Variants in PDLIM1 observed in about 807,000 individuals in gnomAD.
The protein encoded by PDLIM1 is PDZ and LIM domain protein 1.
PDLIM1 carries 25 observed loss-of-function variants against 35.2 expected under a neutral mutation model. That is an observed-to-expected ratio of 0.71 (90% CI 0.52 to 0.99). The LOEUF is 0.99. Ranked by LOEUF, PDLIM1 falls within the 50% of genes least tolerant of loss-of-function variation. The pLI is 0.00. For missense variants in PDLIM1, 363 were observed against 415.3 expected, an observed-to-expected ratio of 0.87 and a Z score of 1.09; for synonymous variants, 152 against 154.0, an observed-to-expected ratio of 0.99 and a Z score of 0.10.
chr10:95,288,343 T>C (rs1207330146), intron 1 of PDLIM1, among the ~76,000 whole-genome samples: 1 of 152,230 alleles, frequency 6.6e-6, no homozygotes, highest in Non-Finnish European at 1.5e-5. Flanking sequence ...CCTAATTTTA[T>C]GGTTTGCTTT....
intron 3 of PDLIM1, among the ~76,000 whole-genome samples, chr10:95,265,277 C>A (rs1318837899): frequency 6.6e-6 from 1 of 151,888 alleles, no homozygotes. Context: ...AAGAAAACAA[C>A]CTGAAAATAT....
chr10:95,286,191 T>C (rs902925386), intron 1 of PDLIM1, among the ~76,000 whole-genome samples: 3 of 152,130 alleles, frequency 2.0e-5, no homozygotes, highest in Non-Finnish European at 2.9e-5. Context: ...ACCCCATCTC[T>C]ACTAAAAATA....
chr10:95,252,373 T>A (rs1056082192), intron 4 of PDLIM1, among the ~76,000 whole-genome samples: 6 of 152,146 alleles, frequency 3.9e-5, no homozygotes, highest in Admixed American at 3.3e-4. Flanking sequence ...AAAGTGGACT[T>A]TCTACCCCCA....
chr10:95,278,084 TTCTC>T (rs2035528568), intron 1 of PDLIM1, among the ~76,000 whole-genome samples: 1 of 152,212 alleles, frequency 6.6e-6, no homozygotes, highest in South Asian at 2.1e-4. Flanking sequence ...TGTTCCTTCT[TTCTC>T]TCTCTGTTCA....
At chr10:95,278,096 TC>T (rs2035528682) in intron 1 of PDLIM1, among the ~76,000 whole-genome samples, 1 of 152,238 alleles carries the variant, frequency 6.6e-6, no homozygotes, top group African/African-American at 2.4e-5. Context: ...CTCTCTCTGT[TC>T]ATTCACTTAT....
intron 4 of PDLIM1, among the ~76,000 whole-genome samples, chr10:95,261,107 C>G (rs556574472): frequency 6.6e-6 from 1 of 152,280 alleles, no homozygotes; most frequent in South Asian, 2.1e-4. Context: ...GCCAAAGAGT[C>G]TGGGCCAGGG....
chr10:95,279,613 G>A (rs1313749293), intron 1 of PDLIM1, among the ~76,000 whole-genome samples: 3 of 152,212 alleles, frequency 2.0e-5, no homozygotes, highest in Non-Finnish European at 4.4e-5. Context: ...GCTGAGCTCT[G>A]CATGCTACAC....
chr10:95,277,111 A>G (rs954783666), intron 1 of PDLIM1, among the ~76,000 whole-genome samples: 31 of 151,954 alleles, frequency 2.0e-4, no homozygotes, highest in Non-Finnish European at 1.2e-4. Flanking sequence ...GCTACTCAGG[A>G]GGCTGAGGTG....
At chr10:95,259,911 C>A (rs1449633795) in intron 4 of PDLIM1, among the ~76,000 whole-genome samples, 1 of 152,172 alleles carries the variant, frequency 6.6e-6, no homozygotes, top group Non-Finnish European at 1.5e-5. Context: ...CACCACCACC[C>A]CATCAGTAAG....
At chr10:95,287,108 T>C (rs764255102) in intron 1 of PDLIM1, among the ~76,000 whole-genome samples, 2 of 152,206 alleles carry the variant, frequency 1.3e-5, no homozygotes, top group Non-Finnish European at 2.9e-5. Flanking sequence ...GGCATTCACT[T>C]ACATGTCATT....
At position 95,268,674 on chromosome 10, in the gene PDLIM1, T is replaced by A. The variant is rs985823313; in HGVS notation, c.333+104A>T. 6 of 780,788 alleles carry A rather than the reference T, an allele frequency of 7.7e-6. No homozygotes were observed. The Admixed American group carries it at 1.1e-4, about 14-fold the overall frequency. 48.4% of individuals were successfully genotyped at this position (780,788 alleles called of 1,614,324 possible). On this transcript the variant is annotated intron_variant, in intron 3 of 6. Coordinates refer to ENST00000329399, the MANE Select transcript of PDLIM1 (RefSeq NM_020992.4). ...CCAGCAGAGACAGTGAAGGGTCTTA[T>A]CCCCAGGCCTCCAGGGCAGGAAAAA...
At chr10:95,263,278 C>T (rs1053857975) in intron 4 of PDLIM1, among the ~76,000 whole-genome samples, 1 of 152,178 alleles carries the variant, frequency 6.6e-6, no homozygotes, top group Non-Finnish European at 1.5e-5. Flanking sequence ...CTACCTCTCC[C>T]CCAGTTAAGC....
intron 1 of PDLIM1, among the ~76,000 whole-genome samples, chr10:95,281,181 C>T (rs984296595): frequency 1.3e-5 from 2 of 152,148 alleles, no homozygotes; most frequent in Non-Finnish European, 2.9e-5. Context: ...CCAGAAACAC[C>T]TTCAAGGGCA....
intron 4 of PDLIM1, among the ~76,000 whole-genome samples, chr10:95,253,286 T>C (rs1314163884): frequency 1.3e-5 from 2 of 152,100 alleles, no homozygotes; most frequent in Non-Finnish European, 2.9e-5. Flanking sequence ...GAAATATCCT[T>C]CAAGAATGAA....
rs750473294 is a variant in PDLIM1 at position 95,243,556 on chromosome 10, A to G, written c.685+3659T>C. On this transcript the variant is annotated intron_variant, in intron 5 of 6. Coordinates refer to ENST00000329399, the MANE Select transcript of PDLIM1 (RefSeq NM_020992.4). ...CCCATATCTAACTCGAGATCACCCAAGGATTCACCTGGAACCCTGGGTAAC... is the reference window on the plus strand; with the variant it reads ...CCCATATCTAACTCGAGATCACCCAGGGATTCACCTGGAACCCTGGGTAAC... Among the ~76,000 whole-genome samples, 7 of 152,070 alleles carry G rather than the reference A, an allele frequency of 4.6e-5. 1 individual carries two copies. Among genetic ancestry groups the G allele is most frequent in the Non-Finnish European group, 1.0e-4 (7 of 68,018 alleles).
chr10:95,264,295 C>T (rs966663635), intron 3 of PDLIM1, among the ~76,000 whole-genome samples: 1 of 152,178 alleles, frequency 6.6e-6, no homozygotes, highest in Non-Finnish European at 1.5e-5. Context: ...ATCATCTCTA[C>T]CTTCTGATTC....
chr10:95,264,704 C>T (rs998337876), intron 3 of PDLIM1, among the ~76,000 whole-genome samples: 2 of 152,092 alleles, frequency 1.3e-5, no homozygotes, highest in Non-Finnish European at 2.9e-5. Context: ...GGGGCGGTAC[C>T]CAGCAGAGCT....
chr10:95,259,722 T>C lies in PDLIM1; in HGVS notation c.533+4142A>G, dbSNP rs117724360. Among the ~76,000 whole-genome samples, 4 of 152,336 alleles carry C rather than the reference T, an allele frequency of 2.6e-5. No individual in the cohort carries two copies. The South Asian group carries it at 8.3e-4, about 32-fold the overall frequency. On this transcript the variant is annotated intron_variant, in intron 4 of 6. Coordinates refer to ENST00000329399, the MANE Select transcript of PDLIM1 (RefSeq NM_020992.4). ...AGCTCTGAAGAAGCCAGGGTTAACA[T>C]CATCCTTGTGATAATATTTGAATAG...
chr10:95,285,932 C>T (rs1349745497), intron 1 of PDLIM1, among the ~76,000 whole-genome samples: 1 of 152,214 alleles, frequency 6.6e-6, no homozygotes, highest in Non-Finnish European at 1.5e-5. Flanking sequence ...TCACACAAAT[C>T]TTTCAAATGT....
Sources: allele counts gnomAD v4.1 joint callset (sites outside exome capture counted in the v4.1 genomes callset), GRCh38; gene constraint gnomAD v4.1.1; transcripts MANE v1.5; gene names NCBI Gene and HGNC (gene_info 2026-07-23, HGNC 2026-07-21).